NLRP11: variants seen among roughly 807,000 people sequenced by gnomAD.
The protein encoded by NLRP11 is NACHT, LRR and PYD domains-containing protein 11.
Under a neutral mutation model 79.3 loss-of-function variants are expected in NLRP11, and 53 were observed. The ratio of observed to expected loss-of-function variants is 0.67; its 90% confidence interval spans 0.54 to 0.84. The LOEUF (loss-of-function observed/expected upper bound fraction) is 0.84. Among genes scored for constraint, NLRP11 ranks in the 40% least tolerant of loss-of-function variants. NLRP11 has a pLI of 0.00. For synonymous variants in NLRP11, 518 were observed against 462.6 expected (o/e 1.12, Z -1.54); for missense variants, 1,264 against 1,255.0 (o/e 1.01, Z -0.11).
At position 55,818,163 on chromosome 19, in the gene NLRP11, CG is replaced by C; in HGVS notation, c.11del (p.Ser4TrpfsTer12). 6.2e-7 allele frequency: 1 copy of C among 1,611,624 alleles called. No homozygotes were observed. Among genetic ancestry groups the C allele is most frequent in the East Asian group, 2.2e-5 (1 of 44,814 alleles). On this transcript the variant is annotated frameshift_variant, in exon 2 of 10. Transcript: ENST00000589093. LOFTEE classifies it high-confidence loss of function. ...ACAGCAGGTCAAAGTCAGTAGAATC[CG>C]ATTCTGCCATCTTGCTTCTCCAGGG...
chr19:55,785,457 C>T (rs1989803101), exon 10 of NLRP11: 1 of 618,970 alleles, frequency 1.6e-6, no homozygotes, highest in African/African-American at 1.9e-5. Flanking sequence ...ACTCTTGAGA[C>T]AGTGTAGGAA....
intron 5 of NLRP11, among the ~76,000 whole-genome samples, chr19:55,797,591 C>G (rs1036956160): frequency 6.6e-6 from 1 of 152,124 alleles, no homozygotes; most frequent in African/African-American, 2.4e-5. Flanking sequence ...GAAAGTAAAT[C>G]AGAGTAGGTC....
intron 1 of NLRP11, among the ~76,000 whole-genome samples, chr19:55,821,080 G>A (rs1257403524): frequency 6.6e-6 from 1 of 152,038 alleles, no homozygotes; most frequent in Non-Finnish European, 1.5e-5. Context: ...TGTCCTTCTG[G>A]GAGCCTGGAA....
chr19:55,793,556 C>CAAAAAAAAAAA (rs59605427), intron 6 of NLRP11, among the ~76,000 whole-genome samples: 1 of 35,690 alleles, frequency 2.8e-5, no homozygotes, highest in Non-Finnish European at 4.5e-5. Flanking sequence ...TGACTGTCTC[C>CAAAAAAAAAAA]AAAAAAAAAA....
intron 1 of NLRP11, among the ~76,000 whole-genome samples, chr19:55,827,676 C>G (rs1250692064): frequency 2.6e-5 from 4 of 151,622 alleles, no homozygotes; most frequent in Non-Finnish European, 2.9e-5. Flanking sequence ...TGCTCATCAT[C>G]ACTGGCCATC....
intron 7 of NLRP11, 37 bp from the exon 8 acceptor site, chr19:55,789,436 C>A: frequency 6.4e-7 from 1 of 1,571,562 alleles, no homozygotes; most frequent in South Asian, 1.2e-5. Context: ...TCATGACCAC[C>A]TGTCTCCAAA....
At chr19:55,789,178 C>T (rs1568625937) in intron 8 of NLRP11, 51 bp downstream of exon 8, 1 of 1,550,460 alleles carries the variant, frequency 6.4e-7, no homozygotes. Flanking sequence ...TTGTGCTTTT[C>T]TTCAGCTGTT....
At chr19:55,836,060 G>T (rs552927068), upstream of NLRP11, among the ~76,000 whole-genome samples, 1 of 152,174 alleles carries the variant, frequency 6.6e-6, no homozygotes, top group Admixed American at 6.5e-5. Flanking sequence ...GGAGGTGGAG[G>T]TTACAGTGGG....
rs146749389 is a variant in NLRP11, at chr19:55,795,028, G to A, written c.2342+1052C>T. 4.8e-4 allele frequency among the ~76,000 whole-genome samples: 73 copies of A among 152,256 alleles called. 1 individual carries two copies. The highest frequency in any genetic ancestry group is 6.3e-4 in the African/African-American group (26 of 41,558). The stretch of plus-strand genomic sequence containing the variant: ...CTTTTTGGAATTTGGAATTGTGAAC[G>A]GGGAATCATGTCCTTAAATACACCG... On this transcript the variant is annotated intron_variant, in intron 6 of 9. Coordinates refer to ENST00000589093, the Ensembl canonical transcript of NLRP11.
intron 2 of NLRP11, 89 bp from the exon 3 acceptor site, chr19:55,810,427 G>T: frequency 8.2e-7 from 1 of 1,218,048 alleles, no homozygotes; most frequent in Non-Finnish European, 1.2e-6. Flanking sequence ...CATGTTTACA[G>T]TAAAAATATA....
intron 1 of NLRP11, 90 bp from the exon 2 acceptor site, chr19:55,818,326 T>C (rs1016231865): frequency 2.7e-5 from 17 of 639,894 alleles, no homozygotes; most frequent in Middle Eastern, 4.2e-4. Context: ...TGTGGTGTGA[T>C]AGAAGCTCCT....
intron 6 of NLRP11, among the ~76,000 whole-genome samples, chr19:55,793,761 A>T (rs1978529279): frequency 6.6e-6 from 1 of 152,038 alleles, no homozygotes; most frequent in African/African-American, 2.4e-5. Flanking sequence ...ATGTATATGT[A>T]GTTATTTTAA....
At chr19:55,817,458 AACAC>A (rs34098302) in intron 2 of NLRP11, among the ~76,000 whole-genome samples, 68 of 151,072 alleles carry the variant, frequency 4.5e-4, no homozygotes, top group African/African-American at 1.5e-3. Context: ...AGAAATTATG[AACAC>A]ACACACACAC....
intron 5 of NLRP11, among the ~76,000 whole-genome samples, chr19:55,797,996 A>AT (rs1160488515): frequency 0.011 from 334 of 30,022 alleles, 1 homozygote; most frequent in Admixed American, 0.015. Flanking sequence ...CTATATTATT[A>AT]TTATTTTTTT....
At chr19:55,808,480 C>T (rs1409389420) in intron 3 of NLRP11, among the ~76,000 whole-genome samples, 1 of 152,020 alleles carries the variant, frequency 6.6e-6, no homozygotes, top group Non-Finnish European at 1.5e-5. Context: ...AAAAGGGGAC[C>T]CTACTGGCCA....
intron 4 of NLRP11, among the ~76,000 whole-genome samples, chr19:55,805,153 C>A (rs73058169): frequency 6.6e-6 from 1 of 152,026 alleles, no homozygotes; most frequent in African/African-American, 2.4e-5. Flanking sequence ...CCCCCAACCC[C>A]GGAAGAACAT....
chr19:55,793,572 A>G (rs1978500798), intron 6 of NLRP11, among the ~76,000 whole-genome samples: 1 of 150,276 alleles, frequency 6.7e-6, no homozygotes, highest in African/African-American at 2.4e-5. Context: ...AAAAAAAAAA[A>G]AAAAAAAAAA....
chr19:55,817,365 T>C (rs1274926720), intron 2 of NLRP11, among the ~76,000 whole-genome samples: 2 of 152,018 alleles, frequency 1.3e-5, no homozygotes, highest in Non-Finnish European at 2.9e-5. Context: ...CAAAAACACA[T>C]GCACACACAT....
chr19:55,792,078 A>G lies in NLRP11; in HGVS notation c.2513+223T>C, dbSNP rs117093105. 5.4e-3 allele frequency among the ~76,000 whole-genome samples: 828 copies of G among 152,244 alleles called. 3 individuals carry two copies. The highest frequency in any genetic ancestry group is 8.5e-3 in the Non-Finnish European group (575 of 68,024). ...CGGCCCAGGCACCCTTCTCCATGTG[A>G]TAAGGATCTGAGGGATTTTGTGAAC... On this transcript the variant is annotated intron_variant, in intron 7 of 9. Transcript: ENST00000589093.
Sources: gnomAD v4.1 joint callset for allele counts (sites outside exome capture counted in the v4.1 genomes callset) on GRCh38, gnomAD v4.1.1 for gene constraint, MANE v1.5 for transcripts, NCBI Gene and HGNC (gene_info 2026-07-23, HGNC 2026-07-21) for gene names.